Variants in MAP3K5 observed in about 807,000 individuals in gnomAD.
MAP3K5 encodes mitogen-activated protein kinase kinase kinase 5.
MAP3K5 carries 56 observed loss-of-function variants against 158.7 expected under a neutral mutation model. The observed-to-expected ratio is 0.35, with a 90% CI of 0.28 to 0.44. MAP3K5 has a LOEUF of 0.44. Ranked by LOEUF, MAP3K5 falls within the 20% of genes least tolerant of loss-of-function variation. The pLI is 1.00. For missense variants in MAP3K5, 1,294 were observed against 1,674.8 expected (o/e 0.77, Z 3.97); for synonymous variants, 579 against 601.7 (o/e 0.96, Z 0.55).
chr6:136,615,382 G>T (rs1333067885), intron 15 of MAP3K5, among the ~76,000 whole-genome samples: 2 of 152,194 alleles, frequency 1.3e-5, no homozygotes, highest in African/African-American at 4.8e-5. Flanking sequence ...AAGCAGAGGG[G>T]ACTTCTTTTC....
rs1177682019 is a variant in MAP3K5 at position 136,585,513 on chromosome 6, ATTTT to A, written c.3226-1777_3226-1774del. On this transcript the variant is annotated intron_variant, in intron 23 of 29. Coordinates refer to ENST00000359015, the MANE Select transcript of MAP3K5 (RefSeq NM_005923.4). ...TATTTATTTATTTATTTATTTATTT[ATTTT>A]TTGACAAAGTCTTGCTTTGTCACCC... Among the ~76,000 whole-genome samples, 454 of 106,480 alleles carry A rather than the reference ATTTT, an allele frequency of 4.3e-3. 7 individuals carry two copies. The highest frequency in any genetic ancestry group is 0.014 in the African/African-American group (423 of 30,506). The allele number at this position is 106,480 out of a possible 152,430, so 69.9% of individuals were successfully genotyped here.
intron 3 of MAP3K5, among the ~76,000 whole-genome samples, chr6:136,699,516 C>T (rs1019905083): frequency 2.6e-5 from 4 of 152,180 alleles, no homozygotes; most frequent in Non-Finnish European, 5.9e-5. Context: ...GGCCTGACTA[C>T]GCAGATCCTG....
chr6:136,730,383 A>C (rs1206980680), intron 1 of MAP3K5, among the ~76,000 whole-genome samples: 1 of 151,748 alleles, frequency 6.6e-6, no homozygotes, highest in Non-Finnish European at 1.5e-5. Flanking sequence ...TACTGATAGC[A>C]GTCCTTTTGA....
At chr6:136,789,920 G>A (rs192463937) in intron 1 of MAP3K5, among the ~76,000 whole-genome samples, 4 of 151,970 alleles carry the variant, frequency 2.6e-5, no homozygotes, top group African/African-American at 9.7e-5. Context: ...TGGAACTCCT[G>A]ACCTCAGGTG....
At chr6:136,776,858 C>T (rs1168978477) in intron 1 of MAP3K5, among the ~76,000 whole-genome samples, 1 of 152,192 alleles carries the variant, frequency 6.6e-6, no homozygotes, top group Non-Finnish European at 1.5e-5. Flanking sequence ...TTTGGAAATA[C>T]AGACAACGCA....
rs1295500755 is a variant in MAP3K5 at position 136,592,508 on chromosome 6, G to A, written c.2985C>T (p.Pro995=). 1.2e-6 allele frequency: 2 copies of A among 1,613,998 alleles called. No individual in the cohort carries two copies. The highest frequency in any genetic ancestry group is 2.2e-5 in the East Asian group (1 of 44,864). Residue 995 remains proline, a synonymous_variant, in exon 22 of 30, where the codon CCC becomes CCT. Coordinates refer to ENST00000359015, the MANE Select transcript of MAP3K5 (RefSeq NM_005923.4). ...VSPDTELKVD[P]FSFKTRAKSC... ...ACTTGGCTCTTGTTTTGAAAGAGAA[G>A]GGGTCCACTTTCAACTCCGTGTCGG... is the stretch of plus-strand genomic sequence containing the variant.
intron 15 of MAP3K5, 41 bp from the exon 16 acceptor site, chr6:136,614,327 A>G (rs754725935): frequency 6.3e-7 from 1 of 1,598,412 alleles, no homozygotes; most frequent in East Asian, 2.2e-5. Context: ...TTATGTAGCC[A>G]GACTTTACTG....
chr6:136,567,439 C>T (rs1479033265), intron 26 of MAP3K5, among the ~76,000 whole-genome samples, 192 bp downstream of exon 26: 1 of 152,168 alleles, frequency 6.6e-6, no homozygotes, highest in Non-Finnish European at 1.5e-5. Context: ...CTGAAAAAGG[C>T]TTAAACTGGT....
At chr6:136,592,146 A>G (rs753428083) in intron 23 of MAP3K5, 27 bp downstream of exon 23, 1 of 1,536,316 alleles carries the variant, frequency 6.5e-7, no homozygotes, top group Non-Finnish European at 8.7e-7. Context: ...AACCTTTGGG[A>G]AATGAAGCAC....
chr6:136,749,120 T>C (rs1311981804), intron 1 of MAP3K5, among the ~76,000 whole-genome samples: 1 of 152,156 alleles, frequency 6.6e-6, no homozygotes, highest in African/African-American at 2.4e-5. Flanking sequence ...TGTTGTCACC[T>C]GGAGAAGAAA....
At chr6:136,592,744 G>A (rs1423045385) in intron 21 of MAP3K5, 130 bp from the exon 22 acceptor site, 3 of 830,496 alleles carry the variant, frequency 3.6e-6, no homozygotes, top group Non-Finnish European at 6.1e-6. Flanking sequence ...ATTATGCTAT[G>A]TAAGGGAACG....
intron 1 of MAP3K5, among the ~76,000 whole-genome samples, chr6:136,786,503 G>C (rs1272319453): frequency 3.9e-5 from 6 of 152,148 alleles, no homozygotes; most frequent in Non-Finnish European, 7.3e-5. Flanking sequence ...ACAATGCAGA[G>C]GGCAAAGAAG....
chr6:136,697,888 G>A (rs948435687), intron 4 of MAP3K5, among the ~76,000 whole-genome samples: 2 of 152,132 alleles, frequency 1.3e-5, no homozygotes, highest in African/African-American at 4.8e-5. Flanking sequence ...GGGATTACAG[G>A]TGTGCACCAC....
chr6:136,685,988 G>T (rs1369442749), intron 7 of MAP3K5, among the ~76,000 whole-genome samples: 3 of 152,288 alleles, frequency 2.0e-5, no homozygotes, highest in African/African-American at 7.2e-5. Flanking sequence ...TTGCACTACA[G>T]CGGAAACTGG....
intron 2 of MAP3K5, among the ~76,000 whole-genome samples, chr6:136,716,796 G>A (rs149817649): frequency 9.1e-4 from 138 of 152,276 alleles, no homozygotes; most frequent in African/African-American, 3.2e-3. Context: ...TAGTAGGCAC[G>A]AGAGAAATTC....
intron 1 of MAP3K5, among the ~76,000 whole-genome samples, chr6:136,725,784 A>G (rs1226939024): frequency 3.3e-5 from 5 of 152,212 alleles, no homozygotes; most frequent in Admixed American, 2.0e-4. Flanking sequence ...CAAGGTCACA[A>G]AAGTTTTCTT....
In MAP3K5 at chr6:136,735,323, A is replaced by G. The variant is rs190822359; in HGVS notation, c.449-14734T>C. 3.0e-3 allele frequency among the ~76,000 whole-genome samples: 455 copies of G among 152,338 alleles called. 3 individuals are homozygous for G. Among genetic ancestry groups the G allele is most frequent in the African/African-American group, 0.01 (432 of 41,570 alleles). The stretch of plus-strand genomic sequence containing the variant: ...GGGGAGAAGAGGAGATGAAAGTAGA[A>G]ATTAGATATTAAAAGAGACTTAAGG... On this transcript the variant is annotated intron_variant, in intron 1 of 29. Transcript: ENST00000359015.
intron 1 of MAP3K5, among the ~76,000 whole-genome samples, chr6:136,731,853 C>T (rs1326778305): frequency 1.3e-5 from 2 of 152,128 alleles, no homozygotes; most frequent in African/African-American, 4.8e-5. Context: ...GGCACCTTTA[C>T]AATCAGTAAG....
chr6:136,761,548 GA>G (rs1248142390), intron 1 of MAP3K5, among the ~76,000 whole-genome samples: 1 of 152,144 alleles, frequency 6.6e-6, no homozygotes, highest in Non-Finnish European at 1.5e-5. Context: ...TACAGAACTT[GA>G]AAGGGGAAAA....
Sources: allele counts gnomAD v4.1 joint callset (sites outside exome capture counted in the v4.1 genomes callset), GRCh38; gene constraint gnomAD v4.1.1; transcripts MANE v1.5; gene names NCBI Gene and HGNC (gene_info 2026-07-23, HGNC 2026-07-21).